Variants in LPAR1 observed in about 807,000 individuals in gnomAD.
The protein encoded by LPAR1 is lysophosphatidic acid receptor 1, also known as LPA receptor 1.
LPAR1 carries 5 observed loss-of-function variants against 23.8 expected under a neutral mutation model. That is an observed-to-expected ratio of 0.21 (90% confidence interval 0.11 to 0.44). LPAR1 has a LOEUF of 0.44. Ranked by LOEUF, LPAR1 falls within the 20% of genes least tolerant of loss-of-function variation. LPAR1 has a pLI of 0.99. For missense variants in LPAR1, 311 were observed against 482.8 expected (o/e 0.64, Z 3.33); for synonymous variants, 160 against 164.7 (o/e 0.97, Z 0.22).
chr9:110,899,923 G>A (rs1239309107), intron 5 of LPAR1, among the ~76,000 whole-genome samples: 1 of 152,176 alleles, frequency 6.6e-6, no homozygotes, highest in African/African-American at 2.4e-5. Flanking sequence ...CCCCCATGGT[G>A]AAAATCAAAA....
At chr9:111,011,183 T>C (rs915994853) in intron 2 of LPAR1, among the ~76,000 whole-genome samples, 5 of 147,124 alleles carry the variant, frequency 3.4e-5, no homozygotes, top group African/African-American at 1.3e-4. Context: ...ATTGACTGAT[T>C]ATAGTTTAAC....
Position 111,038,161 on chromosome 9 carries a change from C to G in LPAR1, c.-262+6G>C, listed in dbSNP as rs996283648. On this transcript the variant is annotated splice_donor_region_variant and intron_variant, in intron 1 of 5. Coordinates refer to ENST00000683809, the MANE Select transcript of LPAR1 (RefSeq NM_001351411.2). This position sits in a 1 kb window ranked among gnomAD's most constrained non-coding sequence, Gnocchi z 4.4. ...CCGTCCCCACACGCCGCGCCGGCCC[C>G]CTTACCTGCGCTCGCTGCCGCCGCG... 2 of 150,976 alleles carry G rather than the reference C, an allele frequency of 1.3e-5. No individual in the cohort carries two copies. Among genetic ancestry groups the G allele is most frequent in the Non-Finnish European group, 3.0e-5 (2 of 67,702 alleles). 9.4% of individuals were successfully genotyped at this position (150,976 alleles called of 1,614,324 possible). A position where few individuals can be genotyped will look rare whatever the true frequency, so the allele number is the denominator to read the frequency against.
chr9:110,972,125 CTGT>C lies in LPAR1; in HGVS notation c.-11_-9del. On this transcript the variant is annotated 5_prime_UTR_variant, in exon 4 of 6. Coordinates refer to ENST00000683809, the MANE Select transcript of LPAR1 (RefSeq NM_001351411.2). ...AGTAGAGATGGCAGCCATGACAGCT[CTGT>C]GGTTGTAGGTGGTGAACACGCCCCA... The C allele has an allele frequency of 1.2e-6, 2 of 1,613,910 alleles. No homozygotes were observed. Among genetic ancestry groups the C allele is most frequent in the Middle Eastern group, 1.7e-4 (1 of 6,058 alleles).
chr9:110,942,410 T>G (rs184961053), intron 4 of LPAR1, among the ~76,000 whole-genome samples: 1 of 152,322 alleles, frequency 6.6e-6, no homozygotes, highest in East Asian at 1.9e-4. Flanking sequence ...TGCTTAGTGG[T>G]TTTATGTCAT....
In LPAR1 at chr9:110,888,951, C is replaced by T. The variant is rs973490582; in HGVS notation, c.794-13229G>A. On this transcript the variant is annotated intron_variant, in intron 5 of 5. Coordinates refer to ENST00000683809, the MANE Select transcript of LPAR1 (RefSeq NM_001351411.2). ...GAGAACTCCTGACTTGGAGTAACAT[C>T]GAGAGAGCAGGAAAGAAACTGAATA... Among the ~76,000 whole-genome samples the T allele has an allele frequency of 5.9e-5, 9 of 152,116 alleles. No individual in the cohort carries two copies. The South Asian group carries it at 6.2e-4, about 11-fold the overall frequency.
intron 5 of LPAR1, among the ~76,000 whole-genome samples, chr9:110,879,194 A>T (rs1476256848): frequency 6.6e-6 from 1 of 152,100 alleles, no homozygotes; most frequent in Non-Finnish European, 1.5e-5. Context: ...AGGTGGGTGG[A>T]TCACCTGAGG....
intron 4 of LPAR1, among the ~76,000 whole-genome samples, chr9:110,942,548 G>A (rs1157207829): frequency 6.6e-6 from 1 of 152,150 alleles, no homozygotes; most frequent in Non-Finnish European, 1.5e-5. Context: ...TGTTATTTAG[G>A]GAATCTGTAA....
At chr9:111,016,188 A>T (rs2097441702) in intron 2 of LPAR1, among the ~76,000 whole-genome samples, 1 of 152,040 alleles carries the variant, frequency 6.6e-6, no homozygotes, top group Non-Finnish European at 1.5e-5. Flanking sequence ...CAGATTAATC[A>T]CCACCTCCTC....
At chr9:110,895,676 G>A (rs989860627) in intron 5 of LPAR1, among the ~76,000 whole-genome samples, 1 of 152,184 alleles carries the variant, frequency 6.6e-6, no homozygotes, top group African/African-American at 2.4e-5. Context: ...TGACTGGGGG[G>A]TGTTCGGAGC....
At chr9:110,886,268 G>T (rs1299557361) in intron 5 of LPAR1, among the ~76,000 whole-genome samples, 2 of 150,218 alleles carry the variant, frequency 1.3e-5, no homozygotes, top group Non-Finnish European at 2.9e-5. Flanking sequence ...GGAGGCTGAG[G>T]CAGAAGAATC....
At chr9:111,030,840 T>G (rs892320397) in intron 2 of LPAR1, among the ~76,000 whole-genome samples, 10 of 152,176 alleles carry the variant, frequency 6.6e-5, no homozygotes, top group African/African-American at 2.4e-4. Flanking sequence ...TTCAAACTTC[T>G]CACTCTTGAT....
At chr9:110,889,108 T>A (rs1479545126) in intron 5 of LPAR1, among the ~76,000 whole-genome samples, 1 of 152,216 alleles carries the variant, frequency 6.6e-6, no homozygotes, top group Non-Finnish European at 1.5e-5. Context: ...TCACCTGTAA[T>A]CCCAGCACTT....
chr9:110,912,972 G>T (rs1447571390), intron 5 of LPAR1, among the ~76,000 whole-genome samples: 3 of 152,216 alleles, frequency 2.0e-5, no homozygotes, highest in African/African-American at 7.2e-5. Flanking sequence ...TACGAACAAG[G>T]TTGGGAGGTT....
At chr9:111,018,515 T>C (rs1206252726) in intron 2 of LPAR1, among the ~76,000 whole-genome samples, 2 of 152,196 alleles carry the variant, frequency 1.3e-5, no homozygotes, top group African/African-American at 4.8e-5. Flanking sequence ...TGCATACTAT[T>C]AAGAGAAAGG....
At chr9:110,957,205 A>C (rs948112333) in intron 4 of LPAR1, among the ~76,000 whole-genome samples, 4 of 91,936 alleles carry the variant, frequency 4.4e-5, no homozygotes, top group Non-Finnish European at 1.2e-4. Flanking sequence ...CCATCTCTAC[A>C]AAAAAAAAAG....
intron 5 of LPAR1, among the ~76,000 whole-genome samples, chr9:110,883,582 A>G (rs186460324): frequency 1.2e-3 from 180 of 152,364 alleles, no homozygotes; most frequent in African/African-American, 4.3e-3. Flanking sequence ...ACATGTGACT[A>G]GATATCATAA....
At chr9:110,937,905 T>C (rs564183938) in intron 5 of LPAR1, among the ~76,000 whole-genome samples, 1 of 152,296 alleles carries the variant, frequency 6.6e-6, no homozygotes, top group Admixed American at 6.5e-5. Flanking sequence ...GAGCACCCAT[T>C]GTAGCCAGGA....
rs1409358777 is a variant in LPAR1, at chr9:110,918,591, G to A, written c.793+22830C>T. On this transcript the variant is annotated intron_variant, in intron 5 of 5. Transcript: ENST00000683809. ...CCATCCTTGAGGTGAGTGGACAGAA[G>A]GAACTGTCAGGTTAGAGATGCAGCA... Among the ~76,000 whole-genome samples, 25 of 152,062 alleles carry A rather than the reference G, an allele frequency of 1.6e-4. 1 individual carries two copies. Among genetic ancestry groups the A allele is most frequent in the Admixed American group, 1.6e-3 (25 of 15,260 alleles).
Position 110,928,749 on chromosome 9 carries a change from C to T in LPAR1, c.793+12672G>A, listed in dbSNP as rs144375908. Among the ~76,000 whole-genome samples the T allele has an allele frequency of 2.3e-3, 357 of 152,226 alleles. 4 individuals are homozygous for T. Among genetic ancestry groups the T allele is most frequent in the Non-Finnish European group, 1.1e-3 (75 of 68,014 alleles). On this transcript the variant is annotated intron_variant, in intron 5 of 5. Coordinates refer to ENST00000683809, the MANE Select transcript of LPAR1 (RefSeq NM_001351411.2). ...TGGACCAATATACAAAGGAGTACCA[C>T]GTGCTTGGCAAGGTTAGCAAACCCA...
Sources: allele counts gnomAD v4.1 joint callset (sites outside exome capture counted in the v4.1 genomes callset), GRCh38; gene constraint gnomAD v4.1.1; non-coding constraint Gnocchi (gnomAD v3.1); transcripts MANE v1.5; gene names NCBI Gene and HGNC (gene_info 2026-07-23, HGNC 2026-07-21).